TMEM182: variants seen among roughly 807,000 people sequenced by gnomAD.
TMEM182 encodes transmembrane protein 182.
In TMEM182, 20 loss-of-function variants were observed where a neutral mutation model predicts 26.8. The observed-to-expected ratio is 0.75, with a 90% CI of 0.53 to 1.09. The LOEUF is 1.09. TMEM182 is among the 50% of genes least tolerant of loss of function. TMEM182 has a pLI of 0.00. For missense variants in TMEM182, 277 were observed against 275.5 expected, an observed-to-expected ratio of 1.01 and a Z score of -0.04; for synonymous variants, 109 against 102.2, an observed-to-expected ratio of 1.07 and a Z score of -0.40.
intron 4 of TMEM182, among the ~76,000 whole-genome samples, chr2:102,805,262 A>T (rs964462728): frequency 3.3e-5 from 5 of 152,206 alleles, no homozygotes; most frequent in Non-Finnish European, 7.3e-5. Flanking sequence ...ATGGGGCACT[A>T]ATATGGGAGA....
Position 102,809,830 on chromosome 2 carries a change from C to T in TMEM182, c.470-4918C>T, listed in dbSNP as rs188987635. On this transcript the variant is annotated intron_variant, in intron 4 of 4. Transcript: ENST00000412401. ...GTGCAGCCTTTACGTAGAAAAAGGACGATTTTGTTTTCTGATTCTAGTTTA... is the reference window on the plus strand; with the variant it reads ...GTGCAGCCTTTACGTAGAAAAAGGATGATTTTGTTTTCTGATTCTAGTTTA... 8.3e-4 allele frequency among the ~76,000 whole-genome samples: 127 copies of T among 152,284 alleles called. 1 individual carries two copies. The highest frequency in any genetic ancestry group is 2.8e-4 in the Non-Finnish European group (19 of 68,012).
chr2:102,817,380 A>G lies in TMEM182; in HGVS notation c.*2412A>G, dbSNP rs1682791911. On this transcript the variant is annotated 3_prime_UTR_variant, in exon 5 of 5. Transcript: ENST00000412401. ...GTTACACTTTTAGAAAGAGTGAATA[A>G]AAAGGGCAGTGAGTTATGCTCTTGG... 1.0e-6 allele frequency: 1 copy of G among 985,414 alleles called. No homozygotes were observed. Among genetic ancestry groups the G allele is most frequent in the Non-Finnish European group, 1.2e-6 (1 of 829,910 alleles). 61.0% of individuals were successfully genotyped at this position (985,414 alleles called of 1,614,324 possible).
chr2:102,758,188 C>T (rs921284353), upstream of TMEM182, among the ~76,000 whole-genome samples: 7 of 152,110 alleles, frequency 4.6e-5, no homozygotes, highest in African/African-American at 1.7e-4. Context: ...GAGGCTTAAC[C>T]AGCCCTTTCT....
chr2:102,773,210 A>T (rs541695355), intron 3 of TMEM182, among the ~76,000 whole-genome samples: 3 of 152,108 alleles, frequency 2.0e-5, no homozygotes, highest in African/African-American at 7.2e-5. Flanking sequence ...CCAAAAAAAA[A>T]AGGATAAAAG....
intron 3 of TMEM182, among the ~76,000 whole-genome samples, chr2:102,792,433 A>G (rs959590909): frequency 6.6e-6 from 1 of 152,176 alleles, no homozygotes; most frequent in African/African-American, 2.4e-5. Context: ...AAGCTCCCAT[A>G]TCATGTTTCA....
chr2:102,799,347 G>A (rs1682013835), intron 4 of TMEM182, among the ~76,000 whole-genome samples: 2 of 152,182 alleles, frequency 1.3e-5, no homozygotes, highest in African/African-American at 2.4e-5. Flanking sequence ...TCTGCAGAGG[G>A]AATAAAAATA....
chr2:102,782,409 A>C (rs1681209200), intron 3 of TMEM182, among the ~76,000 whole-genome samples: 1 of 152,206 alleles, frequency 6.6e-6, no homozygotes, highest in African/African-American at 2.4e-5. Context: ...TTGCTATTTT[A>C]TAAAAATTAT....
At chr2:102,761,028 C>A (rs2540301), upstream of TMEM182, among the ~76,000 whole-genome samples, 5 of 151,902 alleles carry the variant, frequency 3.3e-5, no homozygotes, top group Non-Finnish European at 5.9e-5. Flanking sequence ...AAAAAGAAGG[C>A]GTGAAGAAAG....
At chr2:102,843,581 A>G (rs978708207) in exon 4 of TMEM182, 1 of 152,146 alleles carries the variant, frequency 6.6e-6, no homozygotes, top group Non-Finnish European at 1.5e-5. Flanking sequence ...ATTGACCTTT[A>G]CCTCTACACT....
At chr2:102,793,268 T>A (rs1327235494) in intron 3 of TMEM182, among the ~76,000 whole-genome samples, 2 of 152,174 alleles carry the variant, frequency 1.3e-5, no homozygotes, top group African/African-American at 4.8e-5. Context: ...CATTTACTGA[T>A]GTTTTAGGTT....
chr2:102,781,068 T>C (rs1681147221), intron 3 of TMEM182, among the ~76,000 whole-genome samples: 1 of 152,232 alleles, frequency 6.6e-6, no homozygotes, highest in Non-Finnish European at 1.5e-5. Flanking sequence ...GTCCTCCTTC[T>C]AGAGACTTCT....
chr2:102,737,705 A>G (rs1679397774), intron 1 of TMEM182, among the ~76,000 whole-genome samples: 1 of 152,224 alleles, frequency 6.6e-6, no homozygotes, highest in African/African-American at 2.4e-5. Context: ...GAGTGCAGTG[A>G]AAGGAATTAA....
chr2:102,759,976 A>C (rs1330558837), upstream of TMEM182, among the ~76,000 whole-genome samples: 1 of 152,226 alleles, frequency 6.6e-6, no homozygotes, highest in Non-Finnish European at 1.5e-5. Context: ...TGTGTAATCC[A>C]GGATATTGCC....
intron 3 of TMEM182, among the ~76,000 whole-genome samples, chr2:102,842,066 A>G (rs1018719908): frequency 6.6e-6 from 1 of 152,150 alleles, no homozygotes; most frequent in African/African-American, 2.4e-5. Context: ...TTTTGAATAC[A>G]TTCTGTTTAT....
At chr2:102,840,108 C>T (rs115766632) in intron 3 of TMEM182, among the ~76,000 whole-genome samples, 1,666 of 152,246 alleles carry the variant, frequency 0.011, 42 homozygotes, top group African/African-American at 0.038. Flanking sequence ...TTTACATCTG[C>T]CACTAGAGGG....
At chr2:102,837,977 G>A in intron 3 of TMEM182, among the ~76,000 whole-genome samples, 1 of 152,210 alleles carries the variant, frequency 6.6e-6, no homozygotes, top group East Asian at 1.9e-4. Flanking sequence ...GACGGCGGCA[G>A]CAAAGCACTA....
intron 4 of TMEM182, among the ~76,000 whole-genome samples, chr2:102,814,435 AT>A (rs1485698513): frequency 6.6e-6 from 1 of 152,176 alleles, no homozygotes; most frequent in Non-Finnish European, 1.5e-5. Context: ...TAGAATATAA[AT>A]TCTACAAGTG....
At chr2:102,764,246 T>G (rs1680334776) in intron 2 of TMEM182, 83 bp from the exon 3 acceptor site, 1 of 1,371,418 alleles carries the variant, frequency 7.3e-7, no homozygotes, top group South Asian at 1.2e-5. Context: ...GTAACCCTTG[T>G]GCTCTGTATT....
intron 3 of TMEM182, among the ~76,000 whole-genome samples, chr2:102,839,323 G>A (rs1424425425): frequency 2.0e-5 from 3 of 151,926 alleles, no homozygotes; most frequent in South Asian, 2.1e-4. Context: ...CTGGATTAGC[G>A]CTGATTTCCG....
Sources: allele counts gnomAD v4.1 joint callset (sites outside exome capture counted in the v4.1 genomes callset), GRCh38; gene constraint gnomAD v4.1.1; transcripts MANE v1.5; gene names NCBI Gene and HGNC (gene_info 2026-07-23, HGNC 2026-07-21).